The following KLRG1 variants were observed in gnomAD, a reference collection of about 807,000 sequenced individuals.
KLRG1 encodes killer cell lectin like receptor G1.
Under a neutral mutation model 21.8 loss-of-function variants are expected in KLRG1, and 16 were observed. That is an observed-to-expected ratio of 0.73 (90% CI 0.50 to 1.11). The LOEUF (loss-of-function observed/expected upper bound fraction) is 1.11, where lower values mean the gene tolerates loss of function less well. Among genes scored for constraint, KLRG1 ranks in the 50% most tolerant of loss-of-function variants. The pLI, the probability that KLRG1 is intolerant of heterozygous loss-of-function variation, is 0.00. For synonymous variants in KLRG1, 69 were observed against 75.9 expected, an observed-to-expected ratio of 0.91 and a Z score of 0.47; for missense variants, 173 against 218.3, an observed-to-expected ratio of 0.79 and a Z score of 1.31.
At chr12:9,024,496 C>G in the KLRG1 span, among the ~76,000 whole-genome samples, 1 of 152,016 alleles carries the variant, frequency 6.6e-6, no homozygotes, top group Non-Finnish European at 1.5e-5. Context: ...GTTCTTGGTC[C>G]TGAGGGTTTT....
the KLRG1 span, among the ~76,000 whole-genome samples, chr12:9,202,118 A>G: frequency 6.6e-6 from 1 of 152,142 alleles, no homozygotes; most frequent in African/African-American, 2.4e-5. Context: ...CTGATTAAAT[A>G]CTGTTATAAG....
At chr12:9,012,514 A>G (rs1947645803), downstream of KLRG1, among the ~76,000 whole-genome samples, 1 of 152,050 alleles carries the variant, frequency 6.6e-6, no homozygotes, top group East Asian at 1.9e-4. Context: ...GGTGAGATCC[A>G]GTGCCATGCG....
At chr12:9,038,164 G>A in the KLRG1 span, among the ~76,000 whole-genome samples, 1 of 152,172 alleles carries the variant, frequency 6.6e-6, no homozygotes, top group African/African-American at 2.4e-5. Flanking sequence ...AGGAGGCTGA[G>A]GCTGGAGACT....
At chr12:9,095,493 T>C in the KLRG1 span, 1 of 1,559,434 alleles carries the variant, frequency 6.4e-7, no homozygotes, top group Non-Finnish European at 8.8e-7. Flanking sequence ...ATGTGTAATA[T>C]TTTAAGAAGC....
the KLRG1 span, chr12:9,068,155 G>A: frequency 1.2e-6 from 2 of 1,611,948 alleles, no homozygotes. Flanking sequence ...AGCTCTGACT[G>A]CCTTTTGGAG....
chr12:9,003,810 G>A (rs1036986407), intron 3 of KLRG1, among the ~76,000 whole-genome samples: 9 of 151,592 alleles, frequency 5.9e-5, no homozygotes, highest in East Asian at 5.8e-4. Context: ...CCATTAACTC[G>A]TTATTTAGCA....
the KLRG1 span, chr12:9,111,844 TGAGC>T: frequency 2.5e-6 from 1 of 392,472 alleles, no homozygotes; most frequent in Middle Eastern, 6.7e-4. Context: ...AAATGTTTTT[TGAGC>T]TTAGGTTCTT....
chr12:9,213,768 CCTGTT>C, the KLRG1 span, among the ~76,000 whole-genome samples: 1 of 152,014 alleles, frequency 6.6e-6, no homozygotes, highest in African/African-American at 2.4e-5. Context: ...AATATTTACT[CCTGTT>C]CTGTGGGTTG....
At chr12:9,159,704 G>T in the KLRG1 span, among the ~76,000 whole-genome samples, 2 of 151,652 alleles carry the variant, frequency 1.3e-5, no homozygotes, top group African/African-American at 4.9e-5. Context: ...ATGATGCCCT[G>T]CATCACCGTG....
the KLRG1 span, among the ~76,000 whole-genome samples, chr12:9,048,431 ATC>A: frequency 6.6e-6 from 1 of 152,214 alleles, no homozygotes; most frequent in South Asian, 2.1e-4. Context: ...ACAGATTAAT[ATC>A]TCTACTGAAC....
chr12:9,028,733 C>T, the KLRG1 span: 14 of 526,162 alleles, frequency 2.7e-5, no homozygotes, highest in East Asian at 4.6e-4. Context: ...TGAGCCACCG[C>T]ACCCGGCCTC....
the KLRG1 span, chr12:9,166,143 G>A: frequency 6.2e-7 from 1 of 1,613,862 alleles, no homozygotes. Flanking sequence ...TTATTTAAGG[G>A]TATCACATTA....
the KLRG1 span, among the ~76,000 whole-genome samples, chr12:9,037,880 T>C: frequency 6.6e-6 from 1 of 152,242 alleles, no homozygotes; most frequent in Non-Finnish European, 1.5e-5. Flanking sequence ...TCTAGGTTTG[T>C]GTAAATACAA....
the KLRG1 span, among the ~76,000 whole-genome samples, chr12:9,095,911 C>T: frequency 3.3e-5 from 5 of 151,414 alleles, no homozygotes; most frequent in African/African-American, 1.2e-4. Context: ...AGGCGCCCGC[C>T]ACCGCGCCCG....
chr12:9,208,226 A>C, the KLRG1 span: 1 of 1,561,190 alleles, frequency 6.4e-7, no homozygotes, highest in South Asian at 1.1e-5. Context: ...ACTGAAACGC[A>C]CTCTGGAGGA....
At chr12:9,028,135 G>T in the KLRG1 span, 2 of 704,028 alleles carry the variant, frequency 2.8e-6, no homozygotes, top group South Asian at 1.6e-5. Flanking sequence ...GTTCTTCAGT[G>T]TCGTCGTCTT....
the KLRG1 span, among the ~76,000 whole-genome samples, chr12:9,033,253 G>A: frequency 2.8e-3 from 422 of 152,170 alleles, 1 homozygote; most frequent in Non-Finnish European, 4.3e-3. Context: ...CCTGGGGAAC[G>A]TAGAAAGTCA....
At chr12:9,172,133 C>T in the KLRG1 span, among the ~76,000 whole-genome samples, 3 of 152,200 alleles carry the variant, frequency 2.0e-5, no homozygotes, top group Admixed American at 6.5e-5. Context: ...ATCATACTAA[C>T]AGTGGACCTC....
chr12:9,017,848 T>C, the KLRG1 span, among the ~76,000 whole-genome samples: 124 of 152,342 alleles, frequency 8.1e-4, 1 homozygote, highest in Non-Finnish European at 1.6e-3. Context: ...GATGATGTGA[T>C]ATTGTATTTG....
Sources: allele counts gnomAD v4.1 joint callset (sites outside exome capture counted in the v4.1 genomes callset), GRCh38; gene constraint gnomAD v4.1.1; transcripts MANE v1.5; gene names NCBI Gene and HGNC (gene_info 2026-07-23, HGNC 2026-07-21).